Variants in OXCT1 observed in about 807,000 individuals in gnomAD.
OXCT1 encodes 3-oxoacid CoA-transferase 1, also known as succinyl-CoA:3-ketoacid coenzyme A transferase 1, mitochondrial.
Under a neutral mutation model 69.6 loss-of-function variants are expected in OXCT1, and 27 were observed. The ratio of observed to expected loss-of-function variants is 0.39; its 90% CI spans 0.29 to 0.54. The LOEUF is 0.54. Among genes scored for constraint, OXCT1 ranks in the 20% least tolerant of loss-of-function variants. The probability of loss-of-function intolerance (pLI) is 0.72; values close to 1 mark genes in which losing one functional copy is unlikely to be tolerated. For synonymous variants in OXCT1, 202 were observed against 217.8 expected, an observed-to-expected ratio of 0.93 and a Z score of 0.64; for missense variants, 437 against 650.2, an observed-to-expected ratio of 0.67 and a Z score of 3.57.
At chr5:41,767,047 GAAA>G (rs1744639284) in intron 13 of OXCT1, among the ~76,000 whole-genome samples, 5 of 152,166 alleles carry the variant, frequency 3.3e-5, no homozygotes, top group African/African-American at 1.2e-4. Flanking sequence ...CTCTAGAAAA[GAAA>G]TAGTCCTCTA....
intron 11 of OXCT1, among the ~76,000 whole-genome samples, chr5:41,795,587 G>A (rs556803387): frequency 3.3e-5 from 5 of 152,112 alleles, no homozygotes; most frequent in African/African-American, 4.8e-5. Flanking sequence ...GAGATGCACC[G>A]CAGTTTCTTT....
chr5:41,859,866 T>TATATATATATATATATATGTA (rs1554019098), intron 3 of OXCT1, among the ~76,000 whole-genome samples: 8 of 95,064 alleles, frequency 8.4e-5, no homozygotes, highest in Non-Finnish European at 1.8e-4. Context: ...AGTATAGTAA[T>TATATATATATATATATATGTA]ATATATATAT....
intron 5 of OXCT1, among the ~76,000 whole-genome samples, chr5:41,843,042 T>C (rs1748717399): frequency 6.6e-6 from 1 of 152,228 alleles, no homozygotes; most frequent in African/African-American, 2.4e-5. Context: ...CTGAAAGTTC[T>C]ATGGCCTGAG....
chr5:41,854,205 AAG>A (rs1486153186), intron 3 of OXCT1, among the ~76,000 whole-genome samples: 1 of 152,198 alleles, frequency 6.6e-6, no homozygotes, highest in Non-Finnish European at 1.5e-5. Context: ...CAAGCCAGTG[AAG>A]AGTGTTAAGT....
chr5:41,850,667 C>T (rs66820325), intron 4 of OXCT1, among the ~76,000 whole-genome samples: 33,999 of 151,794 alleles, frequency 0.22, 3,919 homozygotes, highest in Middle Eastern at 0.3. Flanking sequence ...ATCTACAAAT[C>T]GTCTAAGAAA....
intron 13 of OXCT1, among the ~76,000 whole-genome samples, chr5:41,766,583 AC>A (rs1426825884): frequency 2.8e-5 from 4 of 144,962 alleles, no homozygotes; most frequent in East Asian, 1.9e-4. Flanking sequence ...AAAAAAAAAA[AC>A]AACAACAACA....
In OXCT1 at chr5:41,762,032, A is replaced by T. The variant is rs1209899329; in HGVS notation, c.1338+79T>A. ...GCCAGAGAAAATAAAATCCACAGTT[A>T]GGTGACCTGGTGGTACACTGGGTTT... On this transcript the variant is annotated intron_variant, in intron 14 of 16. Transcript: ENST00000196371. This position sits in a 1 kb window ranked among gnomAD's most constrained non-coding sequence, Gnocchi z 4.0. The T allele has an allele frequency of 3.3e-6, 3 of 905,522 alleles. No homozygotes were observed. Among genetic ancestry groups the T allele is most frequent in the Non-Finnish European group, 5.6e-6 (3 of 532,888 alleles). The allele number at this position is 905,522 out of a possible 1,614,324, so 56.1% of individuals were successfully genotyped here.
chr5:41,846,363 T>A (rs956193102), intron 5 of OXCT1, among the ~76,000 whole-genome samples: 1 of 144,172 alleles, frequency 6.9e-6, no homozygotes, highest in Non-Finnish European at 1.5e-5. Flanking sequence ...TTCCCACCTA[T>A]GAGTGAGAAT....
chr5:41,736,927 A>G (rs1028135698), intron 16 of OXCT1, among the ~76,000 whole-genome samples: 1 of 152,258 alleles, frequency 6.6e-6, no homozygotes, highest in African/African-American at 2.4e-5. Context: ...TTTCTAAATT[A>G]GGACATGGAA....
chr5:41,800,930 T>C, intron 11 of OXCT1, 92 bp downstream of exon 11: 1 of 1,054,030 alleles, frequency 9.5e-7, no homozygotes, highest in Non-Finnish European at 1.5e-6. Flanking sequence ...CATGGAGTGC[T>C]CTCCAGGAAA....
At chr5:41,779,575 T>C (rs1413826139) in intron 13 of OXCT1, among the ~76,000 whole-genome samples, 1 of 152,140 alleles carries the variant, frequency 6.6e-6, no homozygotes, top group African/African-American at 2.4e-5. Context: ...TTCAGGTCTT[T>C]AAAATTCTAT....
chr5:41,748,970 G>GT (rs1743637890), intron 15 of OXCT1, among the ~76,000 whole-genome samples: 1 of 152,028 alleles, frequency 6.6e-6, no homozygotes, highest in Non-Finnish European at 1.5e-5. Context: ...GCAGCTTTCA[G>GT]TTGTACTACT....
intron 14 of OXCT1, among the ~76,000 whole-genome samples, chr5:41,760,331 G>A (rs1403396671): frequency 7.2e-5 from 11 of 151,860 alleles, no homozygotes; most frequent in Admixed American, 5.9e-4. Flanking sequence ...AACTATCTAC[G>A]GAAAAATACC....
intron 7 of OXCT1, among the ~76,000 whole-genome samples, chr5:41,808,659 G>A (rs1746803335): frequency 6.6e-6 from 1 of 152,066 alleles, no homozygotes; most frequent in Non-Finnish European, 1.5e-5. Context: ...GGCATCTGGG[G>A]ATGAGTGAGG....
chr5:41,851,437 C>T (rs775837568), intron 4 of OXCT1, among the ~76,000 whole-genome samples: 2 of 152,164 alleles, frequency 1.3e-5, no homozygotes, highest in African/African-American at 2.4e-5. Context: ...CATAACACTA[C>T]CCCTTGCCTT....
chr5:41,742,551 A>G (rs1743223549), intron 15 of OXCT1, among the ~76,000 whole-genome samples: 1 of 152,196 alleles, frequency 6.6e-6, no homozygotes, highest in South Asian at 2.1e-4. Flanking sequence ...TTACATATGT[A>G]TGCATGTGCC....
At chr5:41,793,497 C>CAT (rs770691235) in intron 13 of OXCT1, among the ~76,000 whole-genome samples, 31 of 152,192 alleles carry the variant, frequency 2.0e-4, no homozygotes, top group Non-Finnish European at 4.3e-4. Context: ...TAAATGACAA[C>CAT]TGTGCATTTC....
chr5:41,846,613 G>A (rs1748919251), intron 5 of OXCT1, among the ~76,000 whole-genome samples: 1 of 152,142 alleles, frequency 6.6e-6, no homozygotes, highest in Admixed American at 6.6e-5. Flanking sequence ...TGTCTTTAAA[G>A]CAGCATGATT....
At chr5:41,859,626 G>T (rs1749624067) in intron 3 of OXCT1, among the ~76,000 whole-genome samples, 1 of 151,852 alleles carries the variant, frequency 6.6e-6, no homozygotes, top group Admixed American at 6.6e-5. Flanking sequence ...CCAGGAATTG[G>T]TTAGCCCTTC....
Sources: allele counts gnomAD v4.1 joint callset (sites outside exome capture counted in the v4.1 genomes callset), GRCh38; gene constraint gnomAD v4.1.1; non-coding constraint Gnocchi (gnomAD v3.1); transcripts MANE v1.5; gene names NCBI Gene and HGNC (gene_info 2026-07-23, HGNC 2026-07-21).